FBXO38: variants seen among roughly 807,000 people sequenced by gnomAD.
The protein encoded by FBXO38 is F-box protein 38.
In FBXO38, 53 loss-of-function variants were observed where a neutral mutation model predicts 131.9. The ratio of observed to expected loss-of-function variants is 0.40; its 90% CI spans 0.32 to 0.51. FBXO38 has a LOEUF of 0.51. Among genes scored for constraint, FBXO38 ranks in the 20% least tolerant of loss-of-function variants. The pLI is 0.53. For missense variants in FBXO38, 1,076 were observed against 1,475.6 expected, an observed-to-expected ratio of 0.73 and a Z score of 4.44; for synonymous variants, 452 against 505.6, an observed-to-expected ratio of 0.89 and a Z score of 1.42.
At chr5:148,431,535 AG>A (rs1754043387) in intron 15 of FBXO38, among the ~76,000 whole-genome samples, 1 of 152,204 alleles carries the variant, frequency 6.6e-6, no homozygotes, top group Non-Finnish European at 1.5e-5. Context: ...AGATCATAAA[AG>A]TATTTTACTG....
chr5:148,399,732 A>G (rs1170211170), intron 3 of FBXO38, among the ~76,000 whole-genome samples: 1 of 152,166 alleles, frequency 6.6e-6, no homozygotes, highest in Non-Finnish European at 1.5e-5. Context: ...TAGCTAAGCA[A>G]AGCATACTTG....
In FBXO38 at chr5:148,442,305, T is replaced by G. The variant is rs1581317690; in HGVS notation, c.*158T>G. The G allele has an allele frequency of 2.7e-5, 13 of 476,044 alleles. No homozygotes were observed. In the East Asian group the frequency reaches 4.2e-4, roughly 15 times the overall value. 29.5% of individuals were successfully genotyped at this position (476,044 alleles called of 1,614,324 possible). On this transcript the variant is annotated 3_prime_UTR_variant, in exon 22 of 22. Transcript: ENST00000340253. ...GGAACATCGAAATTGTATACAAAGA[T>G]TTGTACATAAAAAATATACAAAGAC...
Position 148,404,803 on chromosome 5 carries a change from C to A in FBXO38, c.711C>A (p.Phe237Leu), listed in dbSNP as rs199969692. 1 of 1,605,724 alleles carries A rather than the reference C, an allele frequency of 6.2e-7. No homozygotes were observed. Among genetic ancestry groups the A allele is most frequent in the Non-Finnish European group, 8.5e-7 (1 of 1,177,388 alleles). The change falls in exon 6 of 22, where the codon TTC becomes TTA. Residue 237 changes from phenylalanine (F) to leucine (L), a missense_variant. By Grantham distance (22) the Phe-to-Leu change is conservative. Transcript: ENST00000340253. ...TCCTTTGTATCAGCTTAAGAACTTT[C>A]GTCATGAGGAACTGTGCAGGTAATG... The part of the protein sequence containing the change: ...KDFLCISLRT[F>L]VMRNCAGPTN...
At position 148,424,097 on chromosome 5, in the gene FBXO38, A is replaced by C; in HGVS notation, c.1718A>C (p.Asp573Ala). The C allele has an allele frequency of 6.2e-7, 1 of 1,613,352 alleles. No individual in the cohort carries two copies. The highest frequency in any genetic ancestry group is 8.5e-7 in the Non-Finnish European group (1 of 1,179,600). Residue 573 changes from aspartate to alanine, a missense_variant, in exon 13 of 22, where the codon GAT (aspartate) becomes GCT (alanine). This residue lies in a region of FBXO38 where 212 missense variants were observed against 221.2 expected (regional missense o/e 0.96). Coordinates refer to ENST00000340253, the MANE Select transcript of FBXO38 (RefSeq NM_205836.3). ...PAHSQAIIPV[D>A]VDEEQAGPSG... ...CACAGCCAGGCAATTATTCCTGTGG[A>C]TGTTGATGAGGAACAAGCAGGTAAT... is the stretch of plus-strand genomic sequence containing the variant.
chr5:148,427,656 A>C lies in FBXO38; in HGVS notation c.2362A>C (p.Thr788Pro), dbSNP rs962189016. ...CAGGCCCCAGGAATCCCAAAGGAGA[A>C]CTAGCAGGTGTTCTGATGAGGAACG... ...CHRPQESQRR[T>P]SRCSDEERPS... is the part of the protein sequence containing the mutation. The change falls in exon 15 of 22, where the codon ACT becomes CCT. Residue 788 changes from threonine to proline, a missense_variant. Around this residue, in one of 8 missense-constraint regions of FBXO38, gnomAD observed 213 missense variants for 225.2 expected, o/e 0.95. Coordinates refer to ENST00000340253, the MANE Select transcript of FBXO38 (RefSeq NM_205836.3). 3.1e-6 allele frequency: 5 copies of C among 1,614,250 alleles called. No homozygotes were observed. The highest frequency in any genetic ancestry group is 1.3e-5 in the African/African-American group (1 of 75,080).
At chr5:148,420,620 T>C (rs771771287) in intron 12 of FBXO38, among the ~76,000 whole-genome samples, 1 of 152,192 alleles carries the variant, frequency 6.6e-6, no homozygotes. Context: ...AGTTACTTAA[T>C]GCTTTTAAAT....
chr5:148,427,107 T>A (rs1753752869), intron 14 of FBXO38, 106 bp from the exon 15 acceptor site: 1 of 1,302,708 alleles, frequency 7.7e-7, no homozygotes, highest in Admixed American at 2.6e-5. Flanking sequence ...AAAATTAGTG[T>A]TTAGTATACA....
intron 20 of FBXO38, among the ~76,000 whole-genome samples, 171 bp from the exon 21 acceptor site, chr5:148,440,953 A>T (rs1754647430): frequency 6.6e-6 from 1 of 152,230 alleles, no homozygotes; most frequent in Admixed American, 6.5e-5. Context: ...ACCAGTGATG[A>T]AACATAAAAC....
chr5:148,422,094 T>A (rs888656149), intron 12 of FBXO38, among the ~76,000 whole-genome samples: 1 of 151,982 alleles, frequency 6.6e-6, no homozygotes, highest in Admixed American at 6.6e-5. Context: ...CAAACTGGCC[T>A]ATTTTCTTGC....
intron 7 of FBXO38, 91 bp downstream of exon 7, chr5:148,406,485 A>C (rs1424377181): frequency 1.8e-6 from 2 of 1,084,556 alleles, no homozygotes; most frequent in East Asian, 5.7e-5. Flanking sequence ...CAAGTCTTTA[A>C]AAAGAAAATG....
chr5:148,433,546 AC>A, intron 16 of FBXO38, 22 bp downstream of exon 16: 1 of 1,581,890 alleles, frequency 6.3e-7, no homozygotes, highest in Non-Finnish European at 8.7e-7. Flanking sequence ...ACCCTCACTT[AC>A]CTTTATCACA....
chr5:148,433,282 C>A (rs1224379762), intron 15 of FBXO38, 142 bp from the exon 16 acceptor site: 14 of 605,208 alleles, frequency 2.3e-5, no homozygotes, highest in Non-Finnish European at 3.3e-5. Flanking sequence ...ACTGGAAATA[C>A]CAATGTAACT....
At chr5:148,392,933 A>C (rs898428213) in intron 1 of FBXO38, among the ~76,000 whole-genome samples, 2 of 152,152 alleles carry the variant, frequency 1.3e-5, no homozygotes, top group Non-Finnish European at 2.9e-5. Context: ...GGCAGTAAAC[A>C]AGAAAAGGTG....
intron 1 of FBXO38, among the ~76,000 whole-genome samples, 182 bp from the exon 2 acceptor site, chr5:148,394,532 A>G (rs748617200): frequency 4.6e-5 from 7 of 152,176 alleles, no homozygotes; most frequent in South Asian, 2.1e-4. Context: ...TTATCCACTC[A>G]TCTTGAGAAA....
intron 1 of FBXO38, among the ~76,000 whole-genome samples, chr5:148,392,664 G>C (rs2113496028): frequency 6.6e-6 from 1 of 150,440 alleles, no homozygotes; most frequent in Non-Finnish European, 1.5e-5. Context: ...AATTGCCCAG[G>C]GAGAAGAGGG....
chr5:148,421,015 G>A (rs952780039), intron 12 of FBXO38, among the ~76,000 whole-genome samples: 1 of 151,226 alleles, frequency 6.6e-6, no homozygotes, highest in Non-Finnish European at 1.5e-5. Flanking sequence ...CACCCAGACT[G>A]GAGTGCAGTG....
intron 12 of FBXO38, among the ~76,000 whole-genome samples, chr5:148,421,247 A>C (rs1203293058): frequency 6.6e-6 from 1 of 152,162 alleles, no homozygotes; most frequent in Non-Finnish European, 1.5e-5. Flanking sequence ...TATAGGCATG[A>C]GCCACCACGC....
At chr5:148,438,626 AG>A (rs1223795687) in intron 18 of FBXO38, 128 bp downstream of exon 18, 1 of 958,258 alleles carries the variant, frequency 1.0e-6, no homozygotes, top group Non-Finnish European at 1.5e-6. Context: ...ATGATATTTT[AG>A]TTTTTACAGG....
chr5:148,409,202 T>G lies in FBXO38; in HGVS notation c.947T>G (p.Ile316Ser). Residue 316 changes from isoleucine to serine, a missense_variant, in exon 8 of 22, where the codon ATT (isoleucine) becomes AGT (serine). Transcript: ENST00000340253. ...ALEVDLGYLI[I>S]TAARRLHEVR... ...GAAGTAGATCTTGGTTACCTCATCATTACTGCTGCCCGTAGGTATGTTTCC... is the reference window on the plus strand; with the variant it reads ...GAAGTAGATCTTGGTTACCTCATCAGTACTGCTGCCCGTAGGTATGTTTCC... 6.2e-7 allele frequency: 1 copy of G among 1,600,718 alleles called. No homozygotes were observed. Among genetic ancestry groups the G allele is most frequent in the Non-Finnish European group, 8.6e-7 (1 of 1,167,870 alleles).
Sources: allele counts gnomAD v4.1 joint callset (sites outside exome capture counted in the v4.1 genomes callset), GRCh38; gene constraint gnomAD v4.1.1; regional missense constraint gnomAD v4.1.1; transcripts MANE v1.5; gene names NCBI Gene and HGNC (gene_info 2026-07-23, HGNC 2026-07-21).